ITK: variants seen among roughly 807,000 people sequenced by gnomAD.
ITK encodes IL2 inducible T cell kinase, also known as tyrosine-protein kinase ITK/TSK.
Under a neutral mutation model 87.6 loss-of-function variants are expected in ITK, and 45 were observed. The observed-to-expected ratio is 0.51, with a 90% CI of 0.40 to 0.66. The LOEUF is 0.66. Among genes scored for constraint, ITK ranks in the 30% least tolerant of loss-of-function variants. The pLI is 0.00. For missense variants in ITK, 605 were observed against 766.3 expected, an observed-to-expected ratio of 0.79 and a Z score of 2.48; for synonymous variants, 303 against 273.6, an observed-to-expected ratio of 1.11 and a Z score of -1.06.
chr5:157,199,264 G>C (rs1466124369), intron 1 of ITK: 2 of 152,150 alleles, frequency 1.3e-5, no homozygotes, highest in Non-Finnish European at 2.9e-5. Context: ...CCCCTACTCT[G>C]CCTTACCAGA....
chr5:157,246,073 C>A, intron 15 of ITK, 74 bp downstream of exon 15: 1 of 1,007,728 alleles, frequency 9.9e-7, no homozygotes, highest in Non-Finnish European at 1.6e-6. Context: ...CAAATGCAGA[C>A]AACCCTACCC....
rs536290068 is a variant in ITK, at chr5:157,207,377, C to CTTTTTTTT, written c.139-1492_139-1485dup. Among the ~76,000 whole-genome samples the CTTTTTTTT allele has an allele frequency of 2.6e-3, 151 of 59,144 alleles. 24 individuals carry two copies. The highest frequency in any genetic ancestry group is 9.1e-3 in the South Asian group (9 of 992). The allele number at this position is 59,144 out of a possible 152,430, so 38.8% of individuals were successfully genotyped here. ...CTTTATCACGTATCTAGATACGTCT[C>CTTTTTTTT]TTTTTTTTTTTTTTTTTTTTTTTTT... On this transcript the variant is annotated intron_variant, in intron 1 of 16. Coordinates refer to ENST00000422843, the MANE Select transcript of ITK (RefSeq NM_005546.4).
At chr5:157,226,501 C>T (rs528121791) in intron 6 of ITK, among the ~76,000 whole-genome samples, 7 of 152,270 alleles carry the variant, frequency 4.6e-5, no homozygotes, top group East Asian at 3.9e-4. Context: ...GACTTTCTTC[C>T]GTTGGAATGG....
At chr5:157,227,976 A>T in intron 6 of ITK, among the ~76,000 whole-genome samples, 1 of 151,782 alleles carries the variant, frequency 6.6e-6, no homozygotes, top group Non-Finnish European at 1.5e-5. Context: ...GACTACAGGC[A>T]TGTACCACCA....
chr5:157,229,332 A>G (rs144366474), intron 7 of ITK, among the ~76,000 whole-genome samples: 1 of 152,322 alleles, frequency 6.6e-6, no homozygotes, highest in Non-Finnish European at 1.5e-5. Context: ...AGTGGAGGTA[A>G]CTAGCAGGCC....
intron 9 of ITK, 94 bp downstream of exon 9, chr5:157,238,285 G>T: frequency 1.1e-6 from 1 of 926,240 alleles, no homozygotes. Context: ...CAGTGCAAGA[G>T]GTAGAGGCTC....
intron 8 of ITK, among the ~76,000 whole-genome samples, chr5:157,233,960 TATA>T (rs1205455272): frequency 2.7e-4 from 9 of 33,698 alleles, no homozygotes; most frequent in African/African-American, 4.5e-4. Flanking sequence ...TATATATATA[TATA>T]TTTTTTTTTT....
At chr5:157,206,933 G>C (rs1394555238) in intron 1 of ITK, among the ~76,000 whole-genome samples, 2 of 151,888 alleles carry the variant, frequency 1.3e-5, no homozygotes, top group Non-Finnish European at 2.9e-5. Flanking sequence ...CTTAATTACA[G>C]AGATTATGAC....
At chr5:157,211,024 G>C (rs912953671) in intron 2 of ITK, among the ~76,000 whole-genome samples, 9 of 151,858 alleles carry the variant, frequency 5.9e-5, no homozygotes, top group South Asian at 2.1e-4. Context: ...TTCTAGTCAA[G>C]AGGAGAACTT....
rs185376619 is a variant in ITK at position 157,243,580 on chromosome 5, C to G, written c.1061-43C>G. 3.3e-4 allele frequency: 507 copies of G among 1,551,708 alleles called. No individual in the cohort carries two copies. In the African/African-American group the frequency reaches 6.3e-3, roughly 19 times the overall value. On this transcript the variant is annotated intron_variant, in intron 11 of 16. Coordinates refer to ENST00000422843, the MANE Select transcript of ITK (RefSeq NM_005546.4). ...CCCCTGGTATCCCAATACCTTATAT[C>G]TACTGCTTGCTGACCCCAGAGAACT...
chr5:157,188,509 G>A (rs922828873), intron 1 of ITK, among the ~76,000 whole-genome samples: 2 of 152,160 alleles, frequency 1.3e-5, no homozygotes, highest in African/African-American at 2.4e-5. Flanking sequence ...GCCAGGACTA[G>A]GGTGAGACAA....
intron 1 of ITK, among the ~76,000 whole-genome samples, chr5:157,205,918 A>G (rs1187326702): frequency 1.3e-5 from 2 of 150,552 alleles, no homozygotes; most frequent in Admixed American, 1.3e-4. Flanking sequence ...TGATTTGCAT[A>G]TGTTGAACCA....
rs1228504835 is a variant in ITK at position 157,243,658 on chromosome 5, G to A, written c.1096G>A (p.Val366Met). Residue 366 changes from valine (V) to methionine (M), a missense_variant, in exon 12 of 17, where the codon GTG (valine) becomes ATG (methionine). By Grantham distance (21) the Val-to-Met change is conservative. Coordinates refer to ENST00000422843, the MANE Select transcript of ITK (RefSeq NM_005546.4). ...GATCGACCCCTCAGAGCTCACTTTTGTGCAAGAGATTGGCAGTGGGCAATT... is the reference window on the plus strand; with the variant it reads ...GATCGACCCCTCAGAGCTCACTTTTATGCAAGAGATTGGCAGTGGGCAATT... The part of the protein sequence containing the change: ...WVIDPSELTF[V>M]QEIGSGQFGL... 1 of 1,613,290 alleles carries A rather than the reference G, an allele frequency of 6.2e-7. No homozygotes were observed. The highest frequency in any genetic ancestry group is 2.2e-5 in the East Asian group (1 of 44,866).
chr5:157,209,410 G>A (rs538102999), intron 2 of ITK, among the ~76,000 whole-genome samples: 4 of 151,840 alleles, frequency 2.6e-5, no homozygotes, highest in Admixed American at 2.6e-4. Context: ...CCAAGGTTAG[G>A]ACTTAGACAA....
intron 4 of ITK, among the ~76,000 whole-genome samples, chr5:157,216,016 C>T (rs954152460): frequency 6.6e-6 from 1 of 152,180 alleles, no homozygotes; most frequent in Non-Finnish European, 1.5e-5. Context: ...GGCCTGAGCA[C>T]TCTTGGGGTC....
intron 1 of ITK, among the ~76,000 whole-genome samples, chr5:157,185,126 G>A (rs927009153): frequency 2.6e-5 from 4 of 152,162 alleles, no homozygotes; most frequent in Non-Finnish European, 5.9e-5. Flanking sequence ...ATTACTGCTA[G>A]TGATCACAAA....
At position 157,228,374 on chromosome 5, in the gene ITK, A is replaced by AT; in HGVS notation, c.713+16dup. The AT allele has an allele frequency of 6.5e-7, 1 of 1,531,848 alleles. No homozygotes were observed. Among genetic ancestry groups the AT allele is most frequent in the Non-Finnish European group, 9.0e-7 (1 of 1,105,244 alleles). 94.9% of individuals were successfully genotyped at this position (1,531,848 alleles called of 1,614,324 possible). A position where few individuals can be genotyped will look rare whatever the true frequency, so the allele number is the denominator to read the frequency against. On this transcript the variant is annotated intron_variant, in intron 7 of 16. Transcript: ENST00000422843. ...TGGAAACCTATGAGTAAGATATTTTATTTGTTTTTGGAAAATACAGTCCTA... is the reference window on the plus strand; with the variant it reads ...TGGAAACCTATGAGTAAGATATTTTATTTTGTTTTTGGAAAATACAGTCCTA...
At chr5:157,216,974 G>A (rs1002407401) in intron 4 of ITK, among the ~76,000 whole-genome samples, 4 of 152,050 alleles carry the variant, frequency 2.6e-5, no homozygotes, top group Non-Finnish European at 5.9e-5. Flanking sequence ...CAGAAATGAG[G>A]AACTCATCGT....
intron 1 of ITK, among the ~76,000 whole-genome samples, chr5:157,201,512 G>C (rs940468011): frequency 6.6e-6 from 1 of 151,710 alleles, no homozygotes; most frequent in African/African-American, 2.4e-5. Context: ...GGCTAGGCTG[G>C]TCTCAAACTC....
Sources: allele counts gnomAD v4.1 joint callset (sites outside exome capture counted in the v4.1 genomes callset), GRCh38; gene constraint gnomAD v4.1.1; transcripts MANE v1.5; gene names NCBI Gene and HGNC (gene_info 2026-07-23, HGNC 2026-07-21).